Variants in PRKCZ observed in about 807,000 individuals in gnomAD.
The protein encoded by PRKCZ is protein kinase C zeta type.
PRKCZ carries 33 observed loss-of-function variants against 79.5 expected under a neutral mutation model. The ratio of observed to expected loss-of-function variants is 0.41; its 90% CI spans 0.31 to 0.55. The LOEUF is 0.55. Among genes scored for constraint, PRKCZ ranks in the 20% least tolerant of loss-of-function variants. The pLI is 0.19. For synonymous variants in PRKCZ, 342 were observed against 320.9 expected (o/e 1.07, Z -0.70); for missense variants, 578 against 813.5 (o/e 0.71, Z 3.52).
At chr1:2,108,019 T>A (rs916367481) in intron 4 of PRKCZ, among the ~76,000 whole-genome samples, 5 of 152,180 alleles carry the variant, frequency 3.3e-5, no homozygotes, top group Admixed American at 3.3e-4. Flanking sequence ...CAAGGGAGCC[T>A]GCCTCCGTGG....
rs535739397 is a variant in PRKCZ, at chr1:2,177,927, C to T, written c.1575+2614C>T. On this transcript the variant is annotated intron_variant, in intron 16 of 17. Coordinates refer to ENST00000378567, the MANE Select transcript of PRKCZ (RefSeq NM_002744.6). The surrounding 1 kb of genome is among the most constrained non-coding windows in gnomAD (Gnocchi z 6.4). Reference sequence around the variant, plus strand: ...CGACCGCCGGCCCTGCCTCTGCCACCGACCGCCGACCCTGCCTCTGCCGTT... The same window carrying T: ...CGACCGCCGGCCCTGCCTCTGCCACTGACCGCCGACCCTGCCTCTGCCGTT... Among the ~76,000 whole-genome samples, 3 of 151,486 alleles carry T rather than the reference C, an allele frequency of 2.0e-5. No homozygotes were observed. Among genetic ancestry groups the T allele is most frequent in the African/African-American group, 7.3e-5 (3 of 40,818 alleles).
rs1683117741 is a variant in PRKCZ at position 2,165,340 on chromosome 1, G to A, written c.975-4178G>A. 6.6e-6 allele frequency among the ~76,000 whole-genome samples: 1 copy of A among 152,200 alleles called. No individual in the cohort carries two copies. Among genetic ancestry groups the A allele is most frequent in the Non-Finnish European group, 1.5e-5 (1 of 68,038 alleles). On this transcript the variant is annotated intron_variant, in intron 10 of 17. Transcript: ENST00000378567. This position sits in a 1 kb window ranked among gnomAD's most constrained non-coding sequence, Gnocchi z 4.1. ...ACCTGGAAGTGGGGTTTCCAAGTGA[G>A]GGTTCTGGGCCCGCCCGAGTCATCT... is the stretch of plus-strand genomic sequence containing the variant.
Position 2,165,296 on chromosome 1 carries a change from G to A in PRKCZ, c.975-4222G>A, listed in dbSNP as rs1224007256. On this transcript the variant is annotated intron_variant, in intron 10 of 17. Coordinates refer to ENST00000378567, the MANE Select transcript of PRKCZ (RefSeq NM_002744.6). This position sits in a 1 kb window ranked among gnomAD's most constrained non-coding sequence, Gnocchi z 4.1. The stretch of plus-strand genomic sequence containing the variant: ...CGGTGCTGTCACCGCTGTGATGTCC[G>A]CTGTGAGGTGGGGACAGGACCTGGA... 1.3e-5 allele frequency among the ~76,000 whole-genome samples: 2 copies of A among 152,184 alleles called. No individual in the cohort carries two copies. Among genetic ancestry groups the A allele is most frequent in the African/African-American group, 2.4e-5 (1 of 41,436 alleles).
At chr1:2,164,346 G>A (rs984210852) in intron 10 of PRKCZ, among the ~76,000 whole-genome samples, 2 of 152,130 alleles carry the variant, frequency 1.3e-5, no homozygotes, top group African/African-American at 4.8e-5. Flanking sequence ...GTTTCCCATG[G>A]GAAGTTTTAA....
chr1:2,176,256 C>T (rs1360062598), intron 16 of PRKCZ, among the ~76,000 whole-genome samples: 1 of 152,124 alleles, frequency 6.6e-6, no homozygotes, highest in Non-Finnish European at 1.5e-5. Flanking sequence ...CCGAATGTCC[C>T]GAGGGGCTCT....
chr1:2,108,007 G>T (rs1014468969), intron 4 of PRKCZ, among the ~76,000 whole-genome samples: 5 of 152,210 alleles, frequency 3.3e-5, no homozygotes, highest in African/African-American at 1.2e-4. Context: ...CCCCGGCAGT[G>T]TCAAGGGAGC....
intron 2 of PRKCZ, 120 bp from the exon 3 acceptor site, chr1:2,056,364 G>A (rs2803309): frequency 0.26 from 230,735 of 890,202 alleles, 45,538 homozygotes; most frequent in East Asian, 0.8. Flanking sequence ...GAGGTGGCCA[G>A]TCTGAGCATC....
At chr1:2,159,927 C>G (rs1681873835) in intron 10 of PRKCZ, among the ~76,000 whole-genome samples, 1 of 152,170 alleles carries the variant, frequency 6.6e-6, no homozygotes, top group African/African-American at 2.4e-5. Flanking sequence ...CTTTCAGCGT[C>G]CCCCGCCCCA....
chr1:2,051,372 G>T (rs1021649209), intron 1 of PRKCZ, among the ~76,000 whole-genome samples: 3 of 152,236 alleles, frequency 2.0e-5, no homozygotes, highest in African/African-American at 4.8e-5. Context: ...GGTGGCGGGG[G>T]CTGCACCAGG....
chr1:2,150,648 G>A, intron 8 of PRKCZ, 142 bp from the exon 9 acceptor site: 1 of 795,904 alleles, frequency 1.3e-6, no homozygotes, highest in Non-Finnish European at 1.9e-6. Context: ...GGGATATGTG[G>A]GACGCAGAAC....
At chr1:2,181,357 C>T (rs1686576168) in intron 16 of PRKCZ, among the ~76,000 whole-genome samples, 1 of 152,232 alleles carries the variant, frequency 6.6e-6, no homozygotes, top group South Asian at 2.1e-4. Context: ...GCCCCATTGA[C>T]ACGGAACGGG....
In PRKCZ at chr1:2,125,869, G is replaced by A. The variant is rs558499131; in HGVS notation, c.335-9393G>A. Among the ~76,000 whole-genome samples the A allele has an allele frequency of 2.6e-5, 4 of 152,296 alleles. No individual in the cohort carries two copies. The highest frequency in any genetic ancestry group is 7.2e-5 in the African/African-American group (3 of 41,566). On this transcript the variant is annotated intron_variant, in intron 4 of 17. Coordinates refer to ENST00000378567, the MANE Select transcript of PRKCZ (RefSeq NM_002744.6). The surrounding 1 kb of genome is among the most constrained non-coding windows in gnomAD (Gnocchi z 4.2). ...ATTTGCGCCCTGGAAGGAGCCGCCCGGCTGCCTCTCGCCAACATGCAGCAC... is the reference window on the plus strand; with the variant it reads ...ATTTGCGCCCTGGAAGGAGCCGCCCAGCTGCCTCTCGCCAACATGCAGCAC...
intron 4 of PRKCZ, among the ~76,000 whole-genome samples, chr1:2,105,375 G>A (rs1668203785): frequency 6.6e-6 from 1 of 152,194 alleles, no homozygotes; most frequent in African/African-American, 2.4e-5. Flanking sequence ...AAGTGCACTA[G>A]GCATTTGGCC....
At position 2,127,092 on chromosome 1, in the gene PRKCZ, C is replaced by T. The variant is rs1452764421; in HGVS notation, c.335-8170C>T. ...AGCTCTTCTGTGCCGTGTGGTTGCACTAAGCAGCTGTGGGGAAGGGGGAGG... is the reference window on the plus strand; with the variant it reads ...AGCTCTTCTGTGCCGTGTGGTTGCATTAAGCAGCTGTGGGGAAGGGGGAGG... On this transcript the variant is annotated intron_variant, in intron 4 of 17. Transcript: ENST00000378567. This position sits in a 1 kb window ranked among gnomAD's most constrained non-coding sequence, Gnocchi z 5.1. Among the ~76,000 whole-genome samples, 2 of 152,218 alleles carry T rather than the reference C, an allele frequency of 1.3e-5. No homozygotes were observed. Among genetic ancestry groups the T allele is most frequent in the East Asian group, 1.9e-4 (1 of 5,186 alleles).
intron 4 of PRKCZ, among the ~76,000 whole-genome samples, chr1:2,103,022 A>G (rs1256690068): frequency 1.3e-5 from 2 of 151,982 alleles, no homozygotes; most frequent in African/African-American, 4.8e-5. Flanking sequence ...GGCGCGCACC[A>G]CCACGCTTGG....
chr1:2,050,671 G>T lies in PRKCZ; in HGVS notation c.41G>T (p.Gly14Val). 8.1e-7 allele frequency: 1 copy of T among 1,227,460 alleles called. No individual in the cohort carries two copies. Among genetic ancestry groups the T allele is most frequent in the Non-Finnish European group, 1.0e-6 (1 of 985,014 alleles). 76.0% of individuals were successfully genotyped at this position (1,227,460 alleles called of 1,614,324 possible). A position where few individuals can be genotyped will look rare whatever the true frequency, so the allele number is the denominator to read the frequency against. ...RTGPKMEGSG[G>V]RVRLKAHYGG... is the part of the protein sequence containing the mutation. ...GGCCCCAAGATGGAAGGGAGCGGCG[G>T]CCGCGTCCGCCTCAAGGCGCATTAC... Residue 14 changes from glycine (G) to valine (V), a missense_variant, in exon 1 of 18, where the codon GGC (glycine) becomes GTC (valine). Gly to Val is a moderately radical substitution (Grantham distance 109, BLOSUM62 -3). This residue lies in a region of PRKCZ where 228 missense variants were observed against 211.6 expected (regional missense o/e 1.08). Transcript: ENST00000378567.
At chr1:2,166,029 G>A (rs562789833) in intron 10 of PRKCZ, among the ~76,000 whole-genome samples, 1 of 152,338 alleles carries the variant, frequency 6.6e-6, no homozygotes, top group South Asian at 2.1e-4. Context: ...TCCGGCTGCG[G>A]TCTGCGTCTC....
At position 2,142,250 on chromosome 1, in the gene PRKCZ, C is replaced by T. The variant is rs1204372906; in HGVS notation, c.421-1960C>T. 56 of 293,808 alleles carry T rather than the reference C, an allele frequency of 1.9e-4. No individual in the cohort carries two copies. The East Asian group carries it at 3.8e-3, about 20-fold the overall frequency. 18.2% of individuals were successfully genotyped at this position (293,808 alleles called of 1,614,324 possible). ...GGGTCCACACATCCAGCAGCCGAAG[C>T]GCCTCCTTTCAATCCAGGGTCCACA... On this transcript the variant is annotated intron_variant, in intron 5 of 17. Transcript: ENST00000378567.
Position 2,169,596 on chromosome 1 carries a change from G to A in PRKCZ, c.1053G>A (p.Glu351=), listed in dbSNP as rs1230358476. The A allele has an allele frequency of 6.6e-7, 1 of 1,513,902 alleles. No homozygotes were observed. Among genetic ancestry groups the A allele is most frequent in the Non-Finnish European group, 8.9e-7 (1 of 1,123,010 alleles). The allele number at this position is 1,513,902 out of a possible 1,614,324, so 93.8% of individuals were successfully genotyped here. Residue 351 remains glutamate (E), a synonymous_variant, in exon 11 of 18, where the codon GAG becomes GAA. Coordinates refer to ENST00000378567, the MANE Select transcript of PRKCZ (RefSeq NM_002744.6). The part of the protein sequence containing the change: ...HMQRQRKLPE[E]HARFYAAEIC... ...AGAGGCAGAGGAAGCTCCCTGAGGAGCACGCCAGGTGGGTGCGCGTGGACG... is the reference window on the plus strand; with the variant it reads ...AGAGGCAGAGGAAGCTCCCTGAGGAACACGCCAGGTGGGTGCGCGTGGACG...
Sources: allele counts gnomAD v4.1 joint callset (sites outside exome capture counted in the v4.1 genomes callset), GRCh38; gene constraint gnomAD v4.1.1; regional missense constraint gnomAD v4.1.1; non-coding constraint Gnocchi (gnomAD v3.1); transcripts MANE v1.5; gene names NCBI Gene and HGNC (gene_info 2026-07-23, HGNC 2026-07-21).